Variants in PLEKHH3 observed in about 807,000 individuals in gnomAD.
PLEKHH3 encodes the protein pleckstrin homology domain-containing family H member 3.
A neutral mutation model predicts 77.8 loss-of-function variants in PLEKHH3; 57 were observed. That is an observed-to-expected ratio of 0.73 (90% CI 0.59 to 0.91). The LOEUF is 0.91. PLEKHH3 is among the 40% of genes least tolerant of loss of function. The pLI, the probability that PLEKHH3 is intolerant of heterozygous loss-of-function variation, is 0.00. For missense variants in PLEKHH3, 1,082 were observed against 1,091.2 expected (o/e 0.99, Z 0.12); for synonymous variants, 467 against 504.8 (o/e 0.93, Z 1.00).
intron 12 of PLEKHH3, 124 bp downstream of exon 12, chr17:42,669,306 G>A (rs1443801801): frequency 4.1e-6 from 4 of 968,068 alleles, no homozygotes. Context: ...CCTTCAGCTT[G>A]TCTGTGATCA....
rs1239009319 is a variant in PLEKHH3, at chr17:42,670,332, G to C, written c.1599C>G (p.Asp533Glu). Residue 533 changes from aspartate to glutamate, a missense_variant, in exon 11 of 13, where the codon GAC becomes GAG. Physicochemically the swap from Asp to Glu is conservative, Grantham distance 45. Coordinates refer to ENST00000591022, the MANE Select transcript of PLEKHH3 (RefSeq NM_024927.5). ...LLRGRPPPPD[D>E]TLRALAALRL... ...GCAGCGCCGCCAGGGCGCGCAGCGT[G>C]TCGTCGGGTGGGGGCGGCCGGCCCC... is the stretch of plus-strand genomic sequence containing the variant. 7.1e-7 allele frequency: 1 copy of C among 1,401,456 alleles called. No individual in the cohort carries two copies. The highest frequency in any genetic ancestry group is 3.2e-5 in the Admixed American group (1 of 30,794). The allele number at this position is 1,401,456 out of a possible 1,614,324, so 86.8% of individuals were successfully genotyped here.
rs191577108 is a variant in PLEKHH3, at chr17:42,670,336, T to C, written c.1595A>G (p.Asp532Gly). 3.8e-3 allele frequency: 5,397 copies of C among 1,404,234 alleles called. 12 individuals carry two copies. The highest frequency in any genetic ancestry group is 7.3e-3 in the Middle Eastern group (28 of 3,850). 87.0% of individuals were successfully genotyped at this position (1,404,234 alleles called of 1,614,324 possible). ...CGCCGCCAGGGCGCGCAGCGTGTCG[T>C]CGGGTGGGGGCGGCCGGCCCCGCAG... ...LLLRGRPPPP[D>G]DTLRALAALR... The change falls in exon 11 of 13, where the codon GAC becomes GGC. Residue 532 changes from aspartate (D) to glycine (G), a missense_variant. Around this residue, in one of 3 missense-constraint regions of PLEKHH3, gnomAD observed 733 missense variants for 750.0 expected, o/e 0.98. Transcript: ENST00000591022.
chr17:42,673,125 C>G (rs762302610), intron 6 of PLEKHH3, 51 bp downstream of exon 6: 2 of 1,473,264 alleles, frequency 1.4e-6, no homozygotes, highest in South Asian at 2.9e-5. Flanking sequence ...AGATTCTTAC[C>G]TCTGAACCAC....
Position 42,671,017 on chromosome 17 carries a change from G to A in PLEKHH3, c.1398C>T (p.Ala466=). 1 of 1,610,070 alleles carries A rather than the reference G, an allele frequency of 6.2e-7. No individual in the cohort carries two copies. Among genetic ancestry groups the A allele is most frequent in the African/African-American group, 1.3e-5 (1 of 74,814 alleles). The change falls in exon 9 of 13, where the codon GCC becomes GCT. Residue 466 remains alanine, a synonymous_variant. Coordinates refer to ENST00000591022, the MANE Select transcript of PLEKHH3 (RefSeq NM_024927.5). The surrounding 1 kb of genome is among the most constrained non-coding windows in gnomAD (Gnocchi z 4.7). The part of the protein sequence containing the change: ...ERALAGGTLV[A]DVLTRFENLA... ...ACTTCTCAAACCTGGTGAGCACGTC[G>A]GCCACGAGGGTCCCCCCAGCCAGGG... is the stretch of plus-strand genomic sequence containing the variant.
chr17:42,676,772 GA>G lies in PLEKHH3; in HGVS notation c.-210del, dbSNP rs923794845. ...GGGGGGCTCAGTGTCTGGGCCCCCG[GA>G]GGGGGGAGGGGGAAAAGCGTCCAGG... On this transcript the variant is annotated 5_prime_UTR_variant, in exon 1 of 13. Transcript: ENST00000591022. This position sits in a 1 kb window ranked among gnomAD's most constrained non-coding sequence, Gnocchi z 6.6. 5.6e-4 allele frequency: 336 copies of G among 603,764 alleles called. No individual in the cohort carries two copies. Among genetic ancestry groups the G allele is most frequent in the Non-Finnish European group, 8.7e-4 (299 of 341,890 alleles). The allele number at this position is 603,764 out of a possible 1,614,324, so 37.4% of individuals were successfully genotyped here.
Position 42,670,195 on chromosome 17 carries a change from C to G in PLEKHH3, c.1736G>C (p.Arg579Thr). The G allele has an allele frequency of 1.7e-6, 2 of 1,177,644 alleles. No homozygotes were observed. The allele number at this position is 1,177,644 out of a possible 1,614,324, so 72.9% of individuals were successfully genotyped here. ...CAGCAGGGCAGCGGAAGGGGGCGGC[C>G]TGGGGGTCGGGCGGGGCGGGTCTTC... ...PREDPPRPTP[R>T]PPPSAALLAG... Residue 579 changes from arginine to threonine, a missense_variant, in exon 11 of 13, where the codon AGG (arginine) becomes ACG (threonine). Physicochemically the swap from Arg to Thr is moderately conservative, Grantham distance 71. This residue lies in a region of PLEKHH3 where 733 missense variants were observed against 750.0 expected (regional missense o/e 0.98). Coordinates refer to ENST00000591022, the MANE Select transcript of PLEKHH3 (RefSeq NM_024927.5).
At position 42,668,032 on chromosome 17, in the gene PLEKHH3, C is replaced by T. The variant is rs2143538298; in HGVS notation, c.*95G>A. ...CCTTGGGTGTGGGATGTGCCCTGTC[C>T]CTGCAGGGCCAAAAGGGTCCATGTT... On this transcript the variant is annotated 3_prime_UTR_variant, in exon 13 of 13. Coordinates refer to ENST00000591022, the MANE Select transcript of PLEKHH3 (RefSeq NM_024927.5). 1 of 1,125,016 alleles carries T rather than the reference C, an allele frequency of 8.9e-7. No individual in the cohort carries two copies. The highest frequency in any genetic ancestry group is 3.2e-5 in the East Asian group (1 of 31,308). The allele number at this position is 1,125,016 out of a possible 1,614,324, so 69.7% of individuals were successfully genotyped here.
At chr17:42,669,398 C>T (rs2052631202) in intron 12 of PLEKHH3, 32 bp downstream of exon 12, 1 of 1,496,346 alleles carries the variant, frequency 6.7e-7, no homozygotes, top group Admixed American at 2.3e-5. Flanking sequence ...CTTCCCTTCT[C>T]TCCTCCTCCC....
At chr17:42,672,816 A>G (rs34779241) in intron 6 of PLEKHH3, among the ~76,000 whole-genome samples, 32,302 of 151,952 alleles carry the variant, frequency 0.21, 3,983 homozygotes, top group South Asian at 0.39. Flanking sequence ...TTTAGGGAGA[A>G]GTACAGTTGG....
rs1008569096 is a variant in PLEKHH3, at chr17:42,676,191, C to T, written c.162+211G>A. On this transcript the variant is annotated intron_variant, in intron 1 of 12. Transcript: ENST00000591022. The surrounding 1 kb of genome is among the most constrained non-coding windows in gnomAD (Gnocchi z 6.6). ...CTCAGGGCCCCCAGCAGGTGGATAG[C>T]GCCCAGCCTGCAGCGGGAGGCCCAC... is the stretch of plus-strand genomic sequence containing the variant. The T allele has an allele frequency of 1.5e-6, 2 of 1,375,292 alleles. No individual in the cohort carries two copies. The highest frequency in any genetic ancestry group is 1.9e-6 in the Non-Finnish European group (2 of 1,053,808). 85.2% of individuals were successfully genotyped at this position (1,375,292 alleles called of 1,614,324 possible).
intron 10 of PLEKHH3, 56 bp downstream of exon 10, chr17:42,670,517 A>G: frequency 6.4e-7 from 1 of 1,564,852 alleles, no homozygotes; most frequent in Non-Finnish European, 8.7e-7. Context: ...GGCCTAGAAA[A>G]CCAGGGGTTC....
At position 42,671,014 on chromosome 17, in the gene PLEKHH3, G is replaced by A. The variant is rs375987832; in HGVS notation, c.1401C>T (p.Asp467=). The change falls in exon 9 of 13, where the codon GAC becomes GAT. Residue 467 remains aspartate (D), a synonymous_variant. Coordinates refer to ENST00000591022, the MANE Select transcript of PLEKHH3 (RefSeq NM_024927.5). The surrounding 1 kb of genome is among the most constrained non-coding windows in gnomAD (Gnocchi z 4.7). ...TTTACTTCTCAAACCTGGTGAGCAC[G>A]TCGGCCACGAGGGTCCCCCCAGCCA... ...RALAGGTLVA[D]VLTRFENLAA... is the part of the protein sequence containing the mutation. 25 of 1,609,856 alleles carry A rather than the reference G, an allele frequency of 1.6e-5. No individual in the cohort carries two copies. The highest frequency in any genetic ancestry group is 6.7e-5 in the East Asian group (3 of 44,864).
intron 12 of PLEKHH3, 70 bp downstream of exon 12, chr17:42,669,360 G>A (rs1049222314): frequency 7.0e-7 from 1 of 1,425,884 alleles, no homozygotes; most frequent in Non-Finnish European, 9.3e-7. Context: ...GCCCAGGTTT[G>A]GTGTTCTGTA....
Position 42,671,092 on chromosome 17 carries a change from C to T in PLEKHH3, c.1323G>A (p.Arg441=). The change falls in exon 9 of 13, where the codon CGG becomes CGA. Residue 441 remains arginine (R), a synonymous_variant. Coordinates refer to ENST00000591022, the MANE Select transcript of PLEKHH3 (RefSeq NM_024927.5). This position sits in a 1 kb window ranked among gnomAD's most constrained non-coding sequence, Gnocchi z 4.7. ...CGTACAGCGCGAATGCGTTGCGGCT[C>T]CGGGCCAAGCCCAGCCGCCCCACCA... ...RELVGRLGLA[R]SRNAFALYEQ... The T allele has an allele frequency of 6.3e-7, 1 of 1,599,996 alleles. No individual in the cohort carries two copies. The highest frequency in any genetic ancestry group is 8.5e-7 in the Non-Finnish European group (1 of 1,171,682).
Position 42,672,405 on chromosome 17 carries a change from G to C in PLEKHH3, c.770-13C>G. 6.7e-7 allele frequency: 1 copy of C among 1,492,748 alleles called. No homozygotes were observed. The highest frequency in any genetic ancestry group is 1.3e-5 in the South Asian group (1 of 77,938). 92.5% of individuals were successfully genotyped at this position (1,492,748 alleles called of 1,614,324 possible). On this transcript the variant is annotated splice_polypyrimidine_tract_variant and intron_variant, in intron 6 of 12. Transcript: ENST00000591022. Reference sequence around the variant, plus strand: ...GCATAGCCCGGACCTGTGGGAGGGTGGGGGCGGAGGGACGGTTTGGAGAGG... The same window carrying C: ...GCATAGCCCGGACCTGTGGGAGGGTCGGGGCGGAGGGACGGTTTGGAGAGG...
Position 42,673,627 on chromosome 17 carries a change from C to G in PLEKHH3, c.490+16G>C, listed in dbSNP as rs755300593. On this transcript the variant is annotated intron_variant, in intron 4 of 12. Transcript: ENST00000591022. ...CCCCTGCCTAGGAAGGTAGGAGAGT[C>G]CCCAGGAGGTCTCACCTGTCTCCTT... The G allele has an allele frequency of 2.5e-6, 4 of 1,600,902 alleles. No homozygotes were observed. The highest frequency in any genetic ancestry group is 1.1e-5 in the South Asian group (1 of 90,600).
intron 1 of PLEKHH3, chr17:42,674,688 G>A (rs1597795105): frequency 2.7e-6 from 1 of 367,194 alleles, no homozygotes; most frequent in East Asian, 4.0e-5. Flanking sequence ...AAAGAGCACT[G>A]GGCAGAGAGT....
In PLEKHH3 at chr17:42,671,692, T is replaced by A; in HGVS notation, c.1077-134A>T. 1.0e-6 allele frequency: 1 copy of A among 963,154 alleles called. No homozygotes were observed. Among genetic ancestry groups the A allele is most frequent in the Non-Finnish European group, 1.5e-6 (1 of 658,030 alleles). The allele number at this position is 963,154 out of a possible 1,614,324, so 59.7% of individuals were successfully genotyped here. On this transcript the variant is annotated intron_variant, in intron 7 of 12. Transcript: ENST00000591022. This position sits in a 1 kb window ranked among gnomAD's most constrained non-coding sequence, Gnocchi z 4.7. The stretch of plus-strand genomic sequence containing the variant: ...CCAACTCAAGTTCTTTGAAGGCTCT[T>A]CTAAATCTCTCCCCAGTGCTTTGCA...
At position 42,672,411 on chromosome 17, in the gene PLEKHH3, G is replaced by T; in HGVS notation, c.770-19C>A. 1 of 1,488,768 alleles carries T rather than the reference G, an allele frequency of 6.7e-7. No individual in the cohort carries two copies. Among genetic ancestry groups the T allele is most frequent in the Non-Finnish European group, 8.9e-7 (1 of 1,121,064 alleles). The allele number at this position is 1,488,768 out of a possible 1,614,324, so 92.2% of individuals were successfully genotyped here. A position where few individuals can be genotyped will look rare whatever the true frequency, so the allele number is the denominator to read the frequency against. On this transcript the variant is annotated intron_variant, in intron 6 of 12. Coordinates refer to ENST00000591022, the MANE Select transcript of PLEKHH3 (RefSeq NM_024927.5). ...CCCGGACCTGTGGGAGGGTGGGGGC[G>T]GAGGGACGGTTTGGAGAGGGGACAC...
Sources: gnomAD v4.1 joint callset for allele counts (sites outside exome capture counted in the v4.1 genomes callset) on GRCh38, gnomAD v4.1.1 for gene constraint, gnomAD v4.1.1 regional missense constraint, Gnocchi (gnomAD v3.1) non-coding constraint, MANE v1.5 for transcripts, NCBI Gene and HGNC (gene_info 2026-07-23, HGNC 2026-07-21) for gene names.